G2E3: variants seen among roughly 807,000 people sequenced by gnomAD.
G2E3 encodes the protein G2/M-phase specific E3 ubiquitin protein ligase, also known as G2/M phase-specific E3 ubiquitin-protein ligase.
G2E3 carries 35 observed loss-of-function variants against 92.8 expected under a neutral mutation model. The observed-to-expected ratio is 0.38, with a 90% confidence interval of 0.29 to 0.50. The LOEUF (loss-of-function observed/expected upper bound fraction) is 0.50, where lower values mean the gene tolerates loss of function less well. G2E3 is among the 20% of genes least tolerant of loss of function. The pLI is 0.94. For synonymous variants in G2E3, 242 were observed against 272.4 expected (o/e 0.89, Z 1.10); for missense variants, 554 against 823.8 (o/e 0.67, Z 4.01).
intron 13 of G2E3, among the ~76,000 whole-genome samples, chr14:30,614,342 A>G (rs146979921): frequency 8.9e-4 from 135 of 152,342 alleles, no homozygotes; most frequent in Middle Eastern, 3.4e-3. Context: ...GAGGCTGGGA[A>G]GTCCAAAGGC....
intron 12 of G2E3, 54 bp downstream of exon 12, chr14:30,608,123 A>G: frequency 1.0e-6 from 1 of 999,514 alleles, no homozygotes; most frequent in Non-Finnish European, 1.5e-6. Context: ...GTATCTTTTA[A>G]TGTAAATGAC....
chr14:30,575,269 G>T (rs893268753), intron 1 of G2E3, among the ~76,000 whole-genome samples: 24 of 152,110 alleles, frequency 1.6e-4, no homozygotes, highest in African/African-American at 5.3e-4. Flanking sequence ...TTTTAATGGG[G>T]TTGTTTTTTT....
At chr14:30,608,832 C>T (rs753864817) in intron 12 of G2E3, among the ~76,000 whole-genome samples, 15 of 152,146 alleles carry the variant, frequency 9.9e-5, no homozygotes, top group South Asian at 2.1e-4. Flanking sequence ...AAGCATAGGC[C>T]TTAGCCAGGC....
At chr14:30,597,650 A>G (rs770533056) in intron 7 of G2E3, 124 bp downstream of exon 7, 80 of 649,822 alleles carry the variant, frequency 1.2e-4, no homozygotes, top group Middle Eastern at 5.1e-4. Context: ...AAATGGTGAA[A>G]TGCAAAACCT....
intron 1 of G2E3, among the ~76,000 whole-genome samples, chr14:30,580,068 T>G (rs923947890): frequency 2.0e-5 from 3 of 152,162 alleles, no homozygotes; most frequent in African/African-American, 7.2e-5. Flanking sequence ...GACCAATGTC[T>G]TTCAGTATGT....
At chr14:30,602,387 G>A (rs980219403) in intron 10 of G2E3, among the ~76,000 whole-genome samples, 1 of 151,094 alleles carries the variant, frequency 6.6e-6, no homozygotes, top group Non-Finnish European at 1.5e-5. Context: ...TGCATCATAC[G>A]TGGGAAAAGT....
At chr14:30,593,897 C>T (rs1385241608) in intron 6 of G2E3, among the ~76,000 whole-genome samples, 1 of 152,000 alleles carries the variant, frequency 6.6e-6, no homozygotes, top group Non-Finnish European at 1.5e-5. Flanking sequence ...GTTGTTTTTA[C>T]CTAAGGATTT....
At chr14:30,573,656 G>C (rs1054058114) in intron 1 of G2E3, 2 of 152,068 alleles carry the variant, frequency 1.3e-5, no homozygotes, top group Non-Finnish European at 2.9e-5. Flanking sequence ...GAACACCAAG[G>C]ACAGAAGATT....
intron 1 of G2E3, among the ~76,000 whole-genome samples, chr14:30,561,131 T>G (rs1879074272): frequency 6.6e-6 from 1 of 152,154 alleles, no homozygotes. Context: ...GATACATAAG[T>G]CTCCAATTAC....
intron 6 of G2E3, 45 bp downstream of exon 6, chr14:30,593,684 A>G: frequency 7.5e-7 from 1 of 1,332,626 alleles, no homozygotes; most frequent in Non-Finnish European, 1.1e-6. Flanking sequence ...ATATAAAATT[A>G]TGGCTTGCTG....
At chr14:30,589,514 G>A (rs1327199043) in intron 4 of G2E3, 30 bp downstream of exon 4, 2 of 1,095,290 alleles carry the variant, frequency 1.8e-6, no homozygotes, top group African/African-American at 1.6e-5. Context: ...ATTAAGTAAT[G>A]TCATAAATAT....
chr14:30,577,544 A>AC (rs1472599648), intron 1 of G2E3, among the ~76,000 whole-genome samples: 1 of 152,188 alleles, frequency 6.6e-6, no homozygotes, highest in Admixed American at 6.5e-5. Flanking sequence ...TGGAGGATTC[A>AC]CTTCTAACAT....
At chr14:30,602,358 AAAAGTGTATCTATCCTACTGCATCATAC>A (rs1566546865) in intron 10 of G2E3, among the ~76,000 whole-genome samples, 1 of 46,516 alleles carries the variant, frequency 2.1e-5, no homozygotes, top group African/African-American at 4.9e-4. Context: ...CATACGTGGG[AAAAGTGTATCTATCCTACTGCATCATAC>A]GTGGGAAAAG....
At chr14:30,608,669 A>G (rs1185166476) in intron 12 of G2E3, among the ~76,000 whole-genome samples, 1 of 152,278 alleles carries the variant, frequency 6.6e-6, no homozygotes, top group East Asian at 1.9e-4. Flanking sequence ...ACACTCATTT[A>G]TCATAATGCC....
At chr14:30,608,151 A>G (rs898599948) in intron 12 of G2E3, 82 bp downstream of exon 12, 1 of 784,852 alleles carries the variant, frequency 1.3e-6, no homozygotes, top group Middle Eastern at 2.5e-4. Flanking sequence ...CAATAAAATA[A>G]TAGTATTATC....
At chr14:30,563,085 A>G (rs1030040752) in intron 1 of G2E3, among the ~76,000 whole-genome samples, 41 of 149,484 alleles carry the variant, frequency 2.7e-4, no homozygotes, top group African/African-American at 1.0e-3. Context: ...CTTTATTTCT[A>G]CAATCTCTCG....
chr14:30,578,409 C>T (rs1412910657), intron 1 of G2E3, among the ~76,000 whole-genome samples: 1 of 152,136 alleles, frequency 6.6e-6, no homozygotes, highest in Non-Finnish European at 1.5e-5. Flanking sequence ...GCCCAGTCAG[C>T]CTAACACCAC....
chr14:30,591,856 C>A (rs1179673615), intron 4 of G2E3, among the ~76,000 whole-genome samples: 1 of 152,252 alleles, frequency 6.6e-6, no homozygotes, highest in East Asian at 1.9e-4. Context: ...TCTAAATCCA[C>A]TGTAGGTGTC....
rs1882274286 is a variant in G2E3, at chr14:30,615,547, G to T, written c.1864+8G>T. The T allele has an allele frequency of 6.7e-7, 1 of 1,502,398 alleles. No individual in the cohort carries two copies. The highest frequency in any genetic ancestry group is 2.2e-5 in the Admixed American group (1 of 45,958). 93.1% of individuals were successfully genotyped at this position (1,502,398 alleles called of 1,614,324 possible). A position where few individuals can be genotyped will look rare whatever the true frequency, so the allele number is the denominator to read the frequency against. ...ACTTACAGGCTGTTGAAGGTATGTG[G>T]ATATTTTATTTTACTTTTAACGATC... On this transcript the variant is annotated splice_region_variant and intron_variant, in intron 14 of 14. Transcript: ENST00000206595.
Sources: gnomAD v4.1 joint callset for allele counts (sites outside exome capture counted in the v4.1 genomes callset) on GRCh38, gnomAD v4.1.1 for gene constraint, MANE v1.5 for transcripts, NCBI Gene and HGNC (gene_info 2026-07-23, HGNC 2026-07-21) for gene names.